The following TACR1 variants were observed in gnomAD, a reference collection of about 807,000 sequenced individuals.
TACR1 encodes substance-P receptor.
In TACR1, 25 loss-of-function variants were observed where a neutral mutation model predicts 35.8. The observed-to-expected ratio is 0.70, with a 90% CI of 0.51 to 0.98. TACR1 has a LOEUF of 0.98. Among genes scored for constraint, TACR1 ranks in the 50% least tolerant of loss-of-function variants. The pLI is 0.00. For missense variants in TACR1, 478 were observed against 522.9 expected, an observed-to-expected ratio of 0.91 and a Z score of 0.84; for synonymous variants, 195 against 206.7, an observed-to-expected ratio of 0.94 and a Z score of 0.48.
chr2:75,172,855 T>C (rs1675323787), intron 1 of TACR1, among the ~76,000 whole-genome samples: 1 of 152,170 alleles, frequency 6.6e-6, no homozygotes, highest in Non-Finnish European at 1.5e-5. Context: ...CAGATCTTTT[T>C]CCTTGGCTTG....
intron 1 of TACR1, among the ~76,000 whole-genome samples, chr2:75,167,939 T>A (rs1415672212): frequency 6.6e-6 from 1 of 152,188 alleles, no homozygotes; most frequent in Non-Finnish European, 1.5e-5. Flanking sequence ...AGCAGATACA[T>A]GGTCCCCAGT....
intron 2 of TACR1, among the ~76,000 whole-genome samples, chr2:75,092,941 C>G (rs1161379762): frequency 6.6e-6 from 1 of 152,122 alleles, no homozygotes; most frequent in African/African-American, 2.4e-5. Flanking sequence ...AAGAAAATTC[C>G]TGATCAAAAG....
rs978267502 is a variant in TACR1, at chr2:75,198,996, G to C, written c.-62C>G. On this transcript the variant is annotated 5_prime_UTR_variant, in exon 1 of 5. Transcript: ENST00000305249. ...CAACCCCCCTCTGCAGCAGAGTCCT[G>C]TGGCTGGCGCCTGGGGCTCAGGGTC... The C allele has an allele frequency of 5.1e-6, 8 of 1,565,488 alleles. No homozygotes were observed. The Admixed American group carries it at 7.0e-5, about 14-fold the overall frequency.
intron 2 of TACR1, among the ~76,000 whole-genome samples, chr2:75,109,484 G>A (rs930259308): frequency 2.6e-5 from 4 of 152,298 alleles, no homozygotes; most frequent in Middle Eastern, 3.4e-3. Context: ...AAGGGAAAAT[G>A]GTTGGATGTT....
intron 2 of TACR1, among the ~76,000 whole-genome samples, chr2:75,055,565 T>G (rs1263061142): frequency 6.6e-6 from 1 of 152,178 alleles, no homozygotes; most frequent in Non-Finnish European, 1.5e-5. Context: ...AACCTCCAAA[T>G]TGCACTGACT....
intron 1 of TACR1, among the ~76,000 whole-genome samples, chr2:75,122,881 G>T (rs191540363): frequency 6.6e-6 from 1 of 152,234 alleles, no homozygotes; most frequent in East Asian, 1.9e-4. Context: ...TCCATCTCTG[G>T]GGTAGTCCCT....
chr2:75,091,781 C>T (rs1673318052), intron 2 of TACR1, among the ~76,000 whole-genome samples: 1 of 152,208 alleles, frequency 6.6e-6, no homozygotes, highest in African/African-American at 2.4e-5. Context: ...TCTTGGTTGG[C>T]TCTGTGACTT....
intron 1 of TACR1, among the ~76,000 whole-genome samples, chr2:75,162,512 G>C (rs1028970650): frequency 2.0e-5 from 3 of 152,170 alleles, no homozygotes; most frequent in African/African-American, 4.8e-5. Flanking sequence ...CTTGGGACTA[G>C]AATAAAACAT....
At chr2:75,119,389 A>G (rs888246423) in intron 2 of TACR1, among the ~76,000 whole-genome samples, 1 of 152,188 alleles carries the variant, frequency 6.6e-6, no homozygotes, top group Non-Finnish European at 1.5e-5. Flanking sequence ...GCAATCTTGT[A>G]ATTAAAATTC....
At chr2:75,155,632 C>T (rs1674829624) in intron 1 of TACR1, among the ~76,000 whole-genome samples, 1 of 152,210 alleles carries the variant, frequency 6.6e-6, no homozygotes. Context: ...CACCCTCCTG[C>T]CTTGGAAAAT....
At chr2:75,184,996 G>A (rs1675655162) in intron 1 of TACR1, among the ~76,000 whole-genome samples, 1 of 151,950 alleles carries the variant, frequency 6.6e-6, no homozygotes, top group South Asian at 2.1e-4. Flanking sequence ...ATCCATAAGG[G>A]TGTTTTAGAT....
At chr2:75,096,324 C>A (rs950971410) in intron 2 of TACR1, among the ~76,000 whole-genome samples, 1 of 152,176 alleles carries the variant, frequency 6.6e-6, no homozygotes, top group African/African-American at 2.4e-5. Context: ...ATCAGCCAGT[C>A]CCAGTGGAGG....
intron 1 of TACR1, among the ~76,000 whole-genome samples, chr2:75,141,441 A>G (rs542892154): frequency 3.3e-5 from 5 of 152,236 alleles, no homozygotes; most frequent in Non-Finnish European, 7.4e-5. Flanking sequence ...GAGGGAAGCT[A>G]TGTAGACTCT....
At chr2:75,100,264 T>G (rs556242253) in intron 2 of TACR1, among the ~76,000 whole-genome samples, 1 of 152,368 alleles carries the variant, frequency 6.6e-6, no homozygotes, top group South Asian at 2.1e-4. Context: ...GCTGAGGGGA[T>G]GAAATGAGAT....
chr2:75,125,416 C>G (rs1228937093), intron 1 of TACR1, among the ~76,000 whole-genome samples: 3 of 152,262 alleles, frequency 2.0e-5, no homozygotes, highest in Non-Finnish European at 4.4e-5. Flanking sequence ...GAACTCCTAA[C>G]TTAAGTGATT....
intron 1 of TACR1, among the ~76,000 whole-genome samples, chr2:75,153,028 G>A (rs1440480278): frequency 6.6e-6 from 1 of 152,068 alleles, no homozygotes; most frequent in African/African-American, 2.4e-5. Context: ...TCAGTTTCCC[G>A]AGTAGTGGGA....
chr2:75,175,592 C>T (rs1029341577), intron 1 of TACR1, among the ~76,000 whole-genome samples: 9 of 152,140 alleles, frequency 5.9e-5, no homozygotes, highest in African/African-American at 2.2e-4. Context: ...TCAAAGCCAG[C>T]AGCATAGCAT....
intron 2 of TACR1, among the ~76,000 whole-genome samples, chr2:75,102,185 C>T (rs1384361687): frequency 6.6e-6 from 1 of 152,054 alleles, no homozygotes; most frequent in African/African-American, 2.4e-5. Flanking sequence ...GACAATCTTC[C>T]AAGTACAAGA....
At chr2:75,192,326 C>A (rs1374627622) in intron 1 of TACR1, among the ~76,000 whole-genome samples, 5 of 152,116 alleles carry the variant, frequency 3.3e-5, no homozygotes, top group African/African-American at 4.8e-5. Flanking sequence ...TACTGGAAAG[C>A]CTGCTACGTG....
Sources: gnomAD v4.1 joint callset for allele counts (sites outside exome capture counted in the v4.1 genomes callset) on GRCh38, gnomAD v4.1.1 for gene constraint, MANE v1.5 for transcripts, NCBI Gene and HGNC (gene_info 2026-07-23, HGNC 2026-07-21) for gene names.